Variants in SHCBP1 observed in about 807,000 individuals in gnomAD.
The protein encoded by SHCBP1 is SHC binding and spindle associated 1.
In SHCBP1, 60 loss-of-function variants were observed where a neutral mutation model predicts 75.1. The observed-to-expected ratio is 0.80, with a 90% confidence interval of 0.65 to 0.99. The LOEUF (loss-of-function observed/expected upper bound fraction) is 0.99, where lower values mean the gene tolerates loss of function less well. Among genes scored for constraint, SHCBP1 ranks in the 50% least tolerant of loss-of-function variants. The probability of loss-of-function intolerance (pLI) is 0.00; values close to 1 mark genes in which losing one functional copy is unlikely to be tolerated. For missense variants in SHCBP1, 709 were observed against 809.4 expected (o/e 0.88, Z 1.50); for synonymous variants, 290 against 293.2 (o/e 0.99, Z 0.11).
intron 11 of SHCBP1, 58 bp downstream of exon 11, chr16:46,583,945 A>G (rs182540695): frequency 7.0e-7 from 1 of 1,418,862 alleles, no homozygotes; most frequent in African/African-American, 1.4e-5. Context: ...AATAAAGCAT[A>G]ATTTGTAGGT....
At position 46,579,051 on chromosome 16, in the gene SHCBP1, T is replaced by C. The variant is rs1315805929; in HGVS notation, c.*2678A>G. Among the ~76,000 whole-genome samples the C allele has an allele frequency of 1.3e-5, 2 of 152,200 alleles. No homozygotes were observed. The highest frequency in any genetic ancestry group is 2.4e-5 in the African/African-American group (1 of 41,442). On this transcript the variant is annotated 3_prime_UTR_variant, in exon 13 of 13. Coordinates refer to ENST00000303383, the MANE Select transcript of SHCBP1 (RefSeq NM_024745.5). ...AAAAATATATTCGTGTTAATATCTA[T>C]GGTGCAATAATACAACAAGAAACTG...
chr16:46,604,962 A>G (rs1264588704), intron 5 of SHCBP1, among the ~76,000 whole-genome samples: 2 of 152,212 alleles, frequency 1.3e-5, no homozygotes, highest in Admixed American at 1.3e-4. Flanking sequence ...TATAGGATCA[A>G]AAAGTAGAAA....
chr16:46,599,739 A>T, intron 9 of SHCBP1, 92 bp downstream of exon 9: 2 of 972,428 alleles, frequency 2.1e-6, no homozygotes, highest in Non-Finnish European at 2.7e-6. Flanking sequence ...TGTACTCAAG[A>T]GTGGCATTTC....
chr16:46,618,394 A>G, intron 1 of SHCBP1, 22 bp from the exon 2 acceptor site: 2 of 1,564,856 alleles, frequency 1.3e-6, no homozygotes, highest in Non-Finnish European at 1.7e-6. Flanking sequence ...AAGCAAAAAT[A>G]AGCAAGCTCC....
chr16:46,587,135 A>G (rs1174147529), intron 10 of SHCBP1, among the ~76,000 whole-genome samples: 2 of 152,192 alleles, frequency 1.3e-5, no homozygotes, highest in Non-Finnish European at 2.9e-5. Context: ...TTCTAGATGT[A>G]CGTACATAAG....
chr16:46,604,789 CAT>C (rs1163065921), intron 5 of SHCBP1, among the ~76,000 whole-genome samples: 1 of 152,110 alleles, frequency 6.6e-6, no homozygotes, highest in Non-Finnish European at 1.5e-5. Context: ...ATTTTCTTCT[CAT>C]ATATTAGATT....
intron 10 of SHCBP1, among the ~76,000 whole-genome samples, chr16:46,587,273 G>A (rs535315391): frequency 4.6e-5 from 7 of 152,002 alleles, no homozygotes; most frequent in East Asian, 1.9e-4. Context: ...AACCTAGGGC[G>A]ACCACTAAAA....
At chr16:46,602,213 A>G (rs1208726207) in intron 8 of SHCBP1, among the ~76,000 whole-genome samples, 2 of 152,212 alleles carry the variant, frequency 1.3e-5, no homozygotes, top group African/African-American at 2.4e-5. Flanking sequence ...CCAAAAAATA[A>G]AGTGTTTTTA....
chr16:46,599,642 A>G (rs1417557117), intron 9 of SHCBP1, among the ~76,000 whole-genome samples, 189 bp downstream of exon 9: 2 of 135,586 alleles, frequency 1.5e-5, no homozygotes, highest in Non-Finnish European at 3.1e-5. Flanking sequence ...ACTGGCTTGA[A>G]ACAGGGTTGC....
chr16:46,594,014 A>G (rs901447031), intron 10 of SHCBP1, among the ~76,000 whole-genome samples: 2 of 152,236 alleles, frequency 1.3e-5, no homozygotes, highest in African/African-American at 4.8e-5. Context: ...AGCTACAGGT[A>G]TTGGTGGAGG....
At chr16:46,621,179 C>T in intron 1 of SHCBP1, 78 bp downstream of exon 1, 2 of 1,365,072 alleles carry the variant, frequency 1.5e-6, no homozygotes, top group Non-Finnish European at 2.0e-6. Context: ...GGCCCGCGAC[C>T]CAGGCGCCCT....
intron 10 of SHCBP1, among the ~76,000 whole-genome samples, chr16:46,588,242 A>C (rs927201246): frequency 6.6e-6 from 1 of 152,214 alleles, no homozygotes; most frequent in Non-Finnish European, 1.5e-5. Flanking sequence ...TGACACCCTA[A>C]CATCACAATT....
intron 4 of SHCBP1, among the ~76,000 whole-genome samples, chr16:46,615,097 T>C (rs1965474187): frequency 6.6e-6 from 1 of 152,196 alleles, no homozygotes; most frequent in Non-Finnish European, 1.5e-5. Flanking sequence ...ATGATGAGGA[T>C]AAAGACCTTT....
At chr16:46,614,338 C>T (rs957707528) in intron 4 of SHCBP1, among the ~76,000 whole-genome samples, 1 of 152,194 alleles carries the variant, frequency 6.6e-6, no homozygotes, top group Non-Finnish European at 1.5e-5. Context: ...TACTACAAAA[C>T]ACCAAGCAAT....
In SHCBP1 at chr16:46,599,730, G is replaced by A. The variant is rs1432593077; in HGVS notation, c.1345+101C>T. 8 of 544,000 alleles carry A rather than the reference G, an allele frequency of 1.5e-5. No homozygotes were observed. The Admixed American group carries it at 2.8e-4, about 19-fold the overall frequency. The allele number at this position is 544,000 out of a possible 1,614,324, so 33.7% of individuals were successfully genotyped here. On this transcript the variant is annotated intron_variant, in intron 9 of 12. Coordinates refer to ENST00000303383, the MANE Select transcript of SHCBP1 (RefSeq NM_024745.5). ...AAGTGCAATAAAACAAGGTATGCCTGTACTCAAGAGTGGCATTTCATTAAA... is the reference window on the plus strand; with the variant it reads ...AAGTGCAATAAAACAAGGTATGCCTATACTCAAGAGTGGCATTTCATTAAA...
chr16:46,595,908 T>A (rs1266082736), intron 9 of SHCBP1, among the ~76,000 whole-genome samples: 1 of 152,080 alleles, frequency 6.6e-6, no homozygotes, highest in Non-Finnish European at 1.5e-5. Context: ...ACAAAAGCAC[T>A]TTCCATTACC....
At chr16:46,606,750 G>A (rs1277265481) in intron 5 of SHCBP1, among the ~76,000 whole-genome samples, 2 of 151,956 alleles carry the variant, frequency 1.3e-5, no homozygotes, top group Non-Finnish European at 2.9e-5. Flanking sequence ...AGAAATCATA[G>A]CCCATTTACG....
chr16:46,603,873 C>T, intron 7 of SHCBP1, 102 bp downstream of exon 7: 2 of 1,452,908 alleles, frequency 1.4e-6, no homozygotes, highest in Non-Finnish European at 9.3e-7. Flanking sequence ...GCACAGAAAA[C>T]CGTCTTGGGA....
rs1964869638 is a variant in SHCBP1 at position 46,581,478 on chromosome 16, G to A, written c.*251C>T. 2.2e-6 allele frequency: 1 copy of A among 452,096 alleles called. No homozygotes were observed. Among genetic ancestry groups the A allele is most frequent in the Non-Finnish European group, 3.9e-6 (1 of 253,376 alleles). 28.0% of individuals were successfully genotyped at this position (452,096 alleles called of 1,614,324 possible). ...CAGGCTTAATATGAGAGAACCATGT[G>A]TATAAGAAAGCAAGACTTTCAGATA... On this transcript the variant is annotated 3_prime_UTR_variant, in exon 13 of 13. Coordinates refer to ENST00000303383, the MANE Select transcript of SHCBP1 (RefSeq NM_024745.5).
Sources: allele counts gnomAD v4.1 joint callset (sites outside exome capture counted in the v4.1 genomes callset), GRCh38; gene constraint gnomAD v4.1.1; transcripts MANE v1.5; gene names NCBI Gene and HGNC (gene_info 2026-07-23, HGNC 2026-07-21).